GPR141: variants seen among roughly 807,000 people sequenced by gnomAD.
GPR141 encodes the protein G protein-coupled receptor 141.
In GPR141, 6 loss-of-function variants were observed where a neutral mutation model predicts 6.8. The observed-to-expected ratio is 0.88, with a 90% CI of 0.48 to 1.74. The LOEUF is 1.74. GPR141 is among the 40% of genes most tolerant of loss of function. The pLI is 0.01. For missense variants in GPR141, 372 were observed against 372.9 expected (o/e 1.00, Z 0.02); for synonymous variants, 140 against 142.3 (o/e 0.98, Z 0.11).
intron 2 of GPR141, among the ~76,000 whole-genome samples, chr7:37,739,262 G>A (rs888610251): frequency 2.6e-5 from 4 of 152,186 alleles, no homozygotes; most frequent in African/African-American, 9.7e-5. Flanking sequence ...GTCAGGGAGT[G>A]AGTTCTTTCT....
chr7:37,721,650 T>C (rs1811332878), intron 2 of GPR141, among the ~76,000 whole-genome samples: 1 of 152,224 alleles, frequency 6.6e-6, no homozygotes, highest in Admixed American at 6.5e-5. Flanking sequence ...TGGTCCTCCC[T>C]AGATTTTTTG....
At chr7:37,733,907 C>T (rs971365481) in intron 2 of GPR141, among the ~76,000 whole-genome samples, 1 of 152,118 alleles carries the variant, frequency 6.6e-6, no homozygotes, top group African/African-American at 2.4e-5. Context: ...TATCGTGCCC[C>T]ATGCCTGTAA....
chr7:37,727,032 T>C (rs1811666663), intron 2 of GPR141, among the ~76,000 whole-genome samples: 1 of 152,230 alleles, frequency 6.6e-6, no homozygotes. Context: ...AAGAAGTTTT[T>C]GTGTATGTCT....
chr7:37,702,765 TAA>T (rs1020067996), intron 2 of GPR141, among the ~76,000 whole-genome samples: 1 of 108,552 alleles, frequency 9.2e-6, no homozygotes, highest in African/African-American at 3.5e-5. Context: ...TAAATAAAAA[TAA>T]AAAAATAAAA....
chr7:37,685,211 G>C (rs557875165), intron 1 of GPR141: 3 of 152,196 alleles, frequency 2.0e-5, no homozygotes, highest in African/African-American at 7.2e-5. Context: ...AATGGAAGTT[G>C]TAGACTGGAT....
At chr7:37,714,388 C>T (rs1262879740) in intron 2 of GPR141, among the ~76,000 whole-genome samples, 1 of 152,134 alleles carries the variant, frequency 6.6e-6, no homozygotes, top group Non-Finnish European at 1.5e-5. Context: ...TTTCTTTATA[C>T]AGTTCTGGAA....
In GPR141 at chr7:37,736,030, G is replaced by T. The variant is rs189201391; in HGVS notation, c.-14-4350G>T. The stretch of plus-strand genomic sequence containing the variant: ...TCCCAGCACTTTGGGAGGCTGAGGC[G>T]GGTGGATCACTTGAGGTCAGGAGTT... On this transcript the variant is annotated intron_variant, in intron 2 of 2. Coordinates refer to ENST00000334425, the MANE Select transcript of GPR141 (RefSeq NM_001381946.1). Among the ~76,000 whole-genome samples the T allele has an allele frequency of 1.0e-3, 152 of 152,158 alleles. 1 individual carries two copies. The highest frequency in any genetic ancestry group is 3.5e-3 in the African/African-American group (144 of 41,520).
rs1337696937 is a variant in GPR141 at position 37,743,026 on chromosome 7, GT to G, written c.*1723del. ...AGGCTTGTGGGTTTTTGCTTTTTGG[GT>G]TTTTTTTGCTCCTGCCCATACTTCC... On this transcript the variant is annotated 3_prime_UTR_variant, in exon 3 of 3. Transcript: ENST00000334425. Among the ~76,000 whole-genome samples, 1 of 151,556 alleles carries G rather than the reference GT, an allele frequency of 6.6e-6. No homozygotes were observed. The highest frequency in any genetic ancestry group is 2.4e-5 in the African/African-American group (1 of 41,306).
chr7:37,698,386 C>T (rs1331014312), intron 2 of GPR141, among the ~76,000 whole-genome samples: 3 of 152,160 alleles, frequency 2.0e-5, no homozygotes, highest in Admixed American at 2.0e-4. Flanking sequence ...ACTATCCTGT[C>T]TCACTATTCC....
At chr7:37,696,973 T>C (rs970039267) in intron 2 of GPR141, among the ~76,000 whole-genome samples, 49 of 152,246 alleles carry the variant, frequency 3.2e-4, no homozygotes, top group African/African-American at 1.1e-3. Context: ...ATCTTTATAA[T>C]ACCATAGATA....
chr7:37,713,778 C>T (rs183151262), intron 2 of GPR141, among the ~76,000 whole-genome samples: 11 of 152,280 alleles, frequency 7.2e-5, no homozygotes, highest in Admixed American at 7.2e-4. Context: ...TATTTCTCTC[C>T]TGTGTAATTT....
chr7:37,717,050 C>T (rs1811082777), intron 2 of GPR141, among the ~76,000 whole-genome samples: 1 of 152,180 alleles, frequency 6.6e-6, no homozygotes, highest in East Asian at 1.9e-4. Flanking sequence ...CTCAAATTTA[C>T]AGGATGGATA....
chr7:37,707,204 T>A (rs1158796758), intron 2 of GPR141, among the ~76,000 whole-genome samples: 2 of 152,210 alleles, frequency 1.3e-5, no homozygotes, highest in African/African-American at 4.8e-5. Flanking sequence ...AAGACAATTC[T>A]AAGTATTTTT....
At chr7:37,700,209 C>T (rs1466110466) in intron 2 of GPR141, among the ~76,000 whole-genome samples, 7 of 152,156 alleles carry the variant, frequency 4.6e-5, no homozygotes, top group Non-Finnish European at 2.9e-5. Flanking sequence ...AATCATCGAA[C>T]TAAAATGATG....
At chr7:37,699,162 T>G (rs577388188) in intron 2 of GPR141, among the ~76,000 whole-genome samples, 1 of 152,326 alleles carries the variant, frequency 6.6e-6, no homozygotes, top group Non-Finnish European at 1.5e-5. Context: ...TTTTTTTTTC[T>G]ATGAAGAATC....
chr7:37,691,246 CTTT>C lies in GPR141; in HGVS notation c.-15+5679_-15+5681del, dbSNP rs375372143. On this transcript the variant is annotated intron_variant, in intron 2 of 2. Transcript: ENST00000334425. ...ATTGTGAACAGCATATAGTTGGGTC[CTTT>C]TTTTTTTTTTTTTTTAACCTAGTTA... Among the ~76,000 whole-genome samples, 31 of 97,930 alleles carry C rather than the reference CTTT, an allele frequency of 3.2e-4. No individual in the cohort carries two copies. The South Asian group carries it at 4.8e-3, about 15-fold the overall frequency. 64.2% of individuals were successfully genotyped at this position (97,930 alleles called of 152,430 possible).
chr7:37,697,574 T>C (rs1026166), intron 2 of GPR141, among the ~76,000 whole-genome samples: 102,835 of 152,022 alleles, frequency 0.68, 35,236 homozygotes, highest in African/African-American at 0.78. Context: ...GGACCCTGAA[T>C]GCTGTGGTGG....
chr7:37,732,098 A>G (rs1811982344), intron 2 of GPR141, among the ~76,000 whole-genome samples: 2 of 148,196 alleles, frequency 1.3e-5, no homozygotes, highest in Non-Finnish European at 3.0e-5. Flanking sequence ...ACATGTGCAC[A>G]ACGTGAAGGA....
intron 2 of GPR141, among the ~76,000 whole-genome samples, chr7:37,688,284 G>C (rs1440085858): frequency 3.3e-5 from 5 of 151,768 alleles, no homozygotes; most frequent in Admixed American, 6.6e-5. Context: ...TACAAAAATT[G>C]GCTGGGGCAT....
Sources: allele counts gnomAD v4.1 joint callset (sites outside exome capture counted in the v4.1 genomes callset), GRCh38; gene constraint gnomAD v4.1.1; transcripts MANE v1.5; gene names NCBI Gene and HGNC (gene_info 2026-07-23, HGNC 2026-07-21).